The following TMEM132D variants were observed in gnomAD, a reference collection of about 807,000 sequenced individuals.
The protein encoded by TMEM132D is mature OL transmembrane protein.
TMEM132D carries 21 observed loss-of-function variants against 62.3 expected under a neutral mutation model. The observed-to-expected ratio is 0.34, with a 90% confidence interval of 0.24 to 0.49. TMEM132D has a LOEUF of 0.49. Ranked by LOEUF, TMEM132D falls within the 20% of genes least tolerant of loss-of-function variation. The pLI, the probability that TMEM132D is intolerant of heterozygous loss-of-function variation, is 0.99. For synonymous variants in TMEM132D, 621 were observed against 575.6 expected (o/e 1.08, Z -1.13); for missense variants, 1,346 against 1,402.8 (o/e 0.96, Z 0.65).
At chr12:129,735,538 G>A (rs1470617092) in intron 1 of TMEM132D, among the ~76,000 whole-genome samples, 2 of 152,044 alleles carry the variant, frequency 1.3e-5, no homozygotes, top group Non-Finnish European at 2.9e-5. Flanking sequence ...AAATAAACAT[G>A]TATGAAAGAA....
intron 1 of TMEM132D, among the ~76,000 whole-genome samples, chr12:129,817,409 A>T (rs1437172307): frequency 6.6e-6 from 1 of 151,824 alleles, no homozygotes; most frequent in East Asian, 1.9e-4. Context: ...TAGTTTCTGC[A>T]ATGGAGAGCA....
intron 3 of TMEM132D, among the ~76,000 whole-genome samples, chr12:129,506,890 G>C (rs1261245661): frequency 6.6e-6 from 1 of 152,134 alleles, no homozygotes; most frequent in East Asian, 1.9e-4. Context: ...CTTTTGCACA[G>C]CAAGAGAAAC....
chr12:129,419,023 C>T (rs1262178245), intron 3 of TMEM132D, among the ~76,000 whole-genome samples: 2 of 152,206 alleles, frequency 1.3e-5, no homozygotes, highest in Non-Finnish European at 2.9e-5. Flanking sequence ...TCCACGGGAG[C>T]AGGGCCCCGC....
intron 1 of TMEM132D, among the ~76,000 whole-genome samples, chr12:129,773,993 C>G (rs758576101): frequency 2.0e-5 from 3 of 152,172 alleles, no homozygotes; most frequent in Non-Finnish European, 4.4e-5. Flanking sequence ...GCATAGGATA[C>G]ACTGAATACA....
chr12:129,507,733 T>C (rs1287701177), intron 3 of TMEM132D, among the ~76,000 whole-genome samples: 1 of 152,084 alleles, frequency 6.6e-6, no homozygotes, highest in Non-Finnish European at 1.5e-5. Flanking sequence ...GGGTGAAGGA[T>C]AAAAGACTAC....
At chr12:129,343,806 G>A (rs557752862) in intron 3 of TMEM132D, among the ~76,000 whole-genome samples, 14 of 151,816 alleles carry the variant, frequency 9.2e-5, no homozygotes, top group South Asian at 4.2e-4. Context: ...GCATGGTGGC[G>A]TATGCCTGTA....
chr12:129,457,213 A>G (rs1219327335), intron 3 of TMEM132D, among the ~76,000 whole-genome samples: 10 of 152,130 alleles, frequency 6.6e-5, no homozygotes, highest in African/African-American at 1.7e-4. Flanking sequence ...ATGACAGACT[A>G]GATTAAGAAA....
rs372855038 is a variant in TMEM132D at position 129,612,738 on chromosome 12, C to A, written c.969-81533G>T. On this transcript the variant is annotated intron_variant, in intron 2 of 8. Coordinates refer to ENST00000422113, the MANE Select transcript of TMEM132D (RefSeq NM_133448.3). The stretch of plus-strand genomic sequence containing the variant: ...GTTAATTTGGCCCCAGGCAACTCAT[C>A]TGATGTACGCTTAGTCTGACCTTTT... 2.1e-3 allele frequency among the ~76,000 whole-genome samples: 315 copies of A among 150,830 alleles called. 11 individuals are homozygous for A. The South Asian group carries it at 0.064, about 31-fold the overall frequency.
intron 5 of TMEM132D, among the ~76,000 whole-genome samples, chr12:129,086,657 T>C (rs1270215183): frequency 6.8e-6 from 1 of 147,728 alleles, no homozygotes; most frequent in Non-Finnish European, 1.5e-5. Flanking sequence ...ATACATACTA[T>C]ATACAACATA....
chr12:129,780,302 A>G (rs751044694), intron 1 of TMEM132D, among the ~76,000 whole-genome samples: 5 of 141,648 alleles, frequency 3.5e-5, no homozygotes, highest in Non-Finnish European at 7.7e-5. Flanking sequence ...GAGGACACTC[A>G]GGGCTTTGGC....
In TMEM132D at chr12:129,903,899, G is replaced by A. The variant is rs530952921; in HGVS notation, c.-560C>T. 6.8e-6 allele frequency among the ~76,000 whole-genome samples: 1 copy of A among 147,120 alleles called. No homozygotes were observed. The highest frequency in any genetic ancestry group is 1.5e-5 in the Non-Finnish European group (1 of 66,134). ...CCCAGGCCGGCCGCTGCGCCTCGGG[G>A]CTCGGGCGCGCGCGCGCTCCGGCAC... On this transcript the variant is annotated 5_prime_UTR_variant, in exon 1 of 9. Transcript: ENST00000422113. The surrounding 1 kb of genome is among the most constrained non-coding windows in gnomAD (Gnocchi z 6.2).
At chr12:129,500,755 C>A (rs1365246173) in intron 3 of TMEM132D, among the ~76,000 whole-genome samples, 1 of 152,186 alleles carries the variant, frequency 6.6e-6, no homozygotes, top group African/African-American at 2.4e-5. Flanking sequence ...ATAAAAGAAA[C>A]TACACATTCA....
At chr12:129,087,238 G>C (rs556087412) in intron 5 of TMEM132D, among the ~76,000 whole-genome samples, 2 of 152,028 alleles carry the variant, frequency 1.3e-5, no homozygotes, top group Non-Finnish European at 2.9e-5. Flanking sequence ...GCCGTTTCGC[G>C]TCTGGTCTAG....
intron 3 of TMEM132D, among the ~76,000 whole-genome samples, chr12:129,345,690 G>A (rs1034172030): frequency 6.6e-6 from 1 of 151,998 alleles, no homozygotes; most frequent in Non-Finnish European, 1.5e-5. Context: ...TTTGATGAGA[G>A]GAAAAGAAAA....
At chr12:129,457,433 C>T (rs970115317) in intron 3 of TMEM132D, among the ~76,000 whole-genome samples, 5 of 120,580 alleles carry the variant, frequency 4.1e-5, no homozygotes, top group African/African-American at 1.5e-4. Context: ...CACACCGGGG[C>T]CTGTTGTGGG....
At chr12:129,478,580 G>C (rs1197933472) in intron 3 of TMEM132D, among the ~76,000 whole-genome samples, 2 of 152,280 alleles carry the variant, frequency 1.3e-5, no homozygotes, top group South Asian at 4.2e-4. Flanking sequence ...AAAGAGACTG[G>C]GGCAGATAGG....
Position 129,531,105 on chromosome 12 carries a change from G to T in TMEM132D, c.1069C>A (p.Pro357Thr). ...TTCTTCTGACAAACGATGACAGCTG[G>T]TGCATACTTTCCAGTATAATCCGTG... ...ERTDYTGKYA[P>T]AVIVCQKKAA... Residue 357 changes from proline to threonine, a missense_variant, in exon 3 of 9, where the codon CCA becomes ACA. Physicochemically the swap from Pro to Thr is conservative, Grantham distance 38. Coordinates refer to ENST00000422113, the MANE Select transcript of TMEM132D (RefSeq NM_133448.3). The T allele has an allele frequency of 1.2e-6, 2 of 1,613,900 alleles. No homozygotes were observed. Among genetic ancestry groups the T allele is most frequent in the Non-Finnish European group, 1.7e-6 (2 of 1,179,892 alleles).
At chr12:129,304,370 C>T (rs993533390) in intron 4 of TMEM132D, among the ~76,000 whole-genome samples, 5 of 151,990 alleles carry the variant, frequency 3.3e-5, no homozygotes, top group Admixed American at 1.3e-4. Context: ...CAGGTCATGG[C>T]TTGAACGATC....
intron 8 of TMEM132D, among the ~76,000 whole-genome samples, chr12:129,075,383 T>G (rs2135606330): frequency 6.6e-6 from 1 of 150,684 alleles, no homozygotes; most frequent in Admixed American, 6.6e-5. Flanking sequence ...CTGTTCAGAA[T>G]CAACTTCTGA....
Sources: allele counts gnomAD v4.1 joint callset (sites outside exome capture counted in the v4.1 genomes callset), GRCh38; gene constraint gnomAD v4.1.1; non-coding constraint Gnocchi (gnomAD v3.1); transcripts MANE v1.5; gene names NCBI Gene and HGNC (gene_info 2026-07-23, HGNC 2026-07-21).